SMURF2: variants seen among roughly 807,000 people sequenced by gnomAD.
SMURF2 encodes SMAD specific E3 ubiquitin protein ligase 2, also known as E3 ubiquitin-protein ligase SMURF2.
Under a neutral mutation model 109.6 loss-of-function variants are expected in SMURF2, and 48 were observed. That is an observed-to-expected ratio of 0.44 (90% CI 0.35 to 0.56). SMURF2 has a LOEUF of 0.56. SMURF2 is among the 20% of genes least tolerant of loss of function. The pLI is 0.01. For synonymous variants in SMURF2, 288 were observed against 317.1 expected, an observed-to-expected ratio of 0.91 and a Z score of 0.97; for missense variants, 575 against 909.0, an observed-to-expected ratio of 0.63 and a Z score of 4.72.
At position 64,613,711 on chromosome 17, in the gene SMURF2, T is replaced by TGA. The variant is rs1568195564; in HGVS notation, c.53-7072_53-7071insTC. Among the ~76,000 whole-genome samples, 21 of 132,704 alleles carry TGA rather than the reference T, an allele frequency of 1.6e-4. 1 individual carries two copies. The highest frequency in any genetic ancestry group is 5.8e-4 in the African/African-American group (19 of 32,626). The allele number at this position is 132,704 out of a possible 152,430, so 87.1% of individuals were successfully genotyped here. A position where few individuals can be genotyped will look rare whatever the true frequency, so the allele number is the denominator to read the frequency against. ...GTGTGTGTGTGTGTGTGTGTGTGTG[T>TGA]GTGTGTGTGTGTGTGTGTGTGTGTG... On this transcript the variant is annotated intron_variant, in intron 1 of 18. Coordinates refer to ENST00000262435, the MANE Select transcript of SMURF2 (RefSeq NM_022739.4).
chr17:64,634,846 A>C (rs1364582507), intron 1 of SMURF2, among the ~76,000 whole-genome samples: 1 of 152,164 alleles, frequency 6.6e-6, no homozygotes, highest in Non-Finnish European at 1.5e-5. Flanking sequence ...TGAAGCCTGG[A>C]GTTTACAGAG....
Position 64,543,775 on chromosome 17 carries a change from T to C in SMURF2, c.*2073A>G, listed in dbSNP as rs1555682842. On this transcript the variant is annotated 3_prime_UTR_variant, in exon 19 of 19. Transcript: ENST00000262435. ...AAGATTTTAAAAGTAGGCACAATTA[T>C]AAACTGCACTAGTGCTTTAATATAA... The C allele has an allele frequency of 6.6e-6, 1 of 152,226 alleles. No individual in the cohort carries two copies. The highest frequency in any genetic ancestry group is 1.5e-5 in the Non-Finnish European group (1 of 68,038). The allele number at this position is 152,226 out of a possible 1,614,324, so 9.4% of individuals were successfully genotyped here.
At chr17:64,629,255 C>A (rs1199291635) in intron 1 of SMURF2, among the ~76,000 whole-genome samples, 1 of 152,160 alleles carries the variant, frequency 6.6e-6, no homozygotes, top group Non-Finnish European at 1.5e-5. Flanking sequence ...AATCCCAGCA[C>A]TTTGGTAGGT....
At chr17:64,557,365 C>T (rs984723946) in intron 13 of SMURF2, among the ~76,000 whole-genome samples, 6 of 152,116 alleles carry the variant, frequency 3.9e-5, no homozygotes, top group Admixed American at 6.6e-5. Context: ...AATCAGTCCC[C>T]GCTCCTGAAG....
intron 1 of SMURF2, among the ~76,000 whole-genome samples, chr17:64,657,259 C>G (rs1970717379): frequency 6.6e-6 from 1 of 152,022 alleles, no homozygotes; most frequent in Non-Finnish European, 1.5e-5. Flanking sequence ...TTGAGTTGAG[C>G]CTTAAAAGAT....
At position 64,545,889 on chromosome 17, in the gene SMURF2, G is replaced by A. The variant is rs782354602; in HGVS notation, c.2206C>T (p.Leu736=). 2 of 1,612,518 alleles carry A rather than the reference G, an allele frequency of 1.2e-6. No homozygotes were observed. The highest frequency in any genetic ancestry group is 2.2e-5 in the South Asian group (2 of 91,044). ...CCACATGTTTCTTCAATGGCTGTTA[G>A]CAGCTTTTCATATAGCTTTTCATAG... ...ESYEKLYEKL[L]TAIEETCGFA... Residue 736 remains leucine (L), a synonymous_variant, in exon 19 of 19, where the codon CTA becomes TTA. Transcript: ENST00000262435.
At chr17:64,557,848 ACAGTTAT>A (rs1197925262) in intron 12 of SMURF2, 126 bp from the exon 13 acceptor site, 2 of 560,984 alleles carry the variant, frequency 3.6e-6, no homozygotes, top group African/African-American at 3.8e-5. Context: ...AGCACTAACT[ACAGTTAT>A]ATAAGATCAC....
At chr17:64,582,309 C>T (rs564873197) in intron 7 of SMURF2, among the ~76,000 whole-genome samples, 72 of 152,248 alleles carry the variant, frequency 4.7e-4, no homozygotes, top group African/African-American at 1.7e-3. Flanking sequence ...TATTTTATGC[C>T]TAGTGCCAGT....
chr17:64,551,502 G>A, intron 16 of SMURF2, 82 bp downstream of exon 16: 1 of 1,440,546 alleles, frequency 6.9e-7, no homozygotes, highest in Admixed American at 1.8e-5. Flanking sequence ...CCAGAAATAT[G>A]CTTTCCTCTA....
Position 64,562,831 on chromosome 17 carries a change from G to C in SMURF2, c.1152C>G (p.Ser384=). ...QKLKILRQEL[S]QQQPQAGHCR... ...AATGACCTGCCTGAGGCTGTTGTTG[G>C]GAAAGTTCTTGCCGCAAAATTTTTA... The change falls in exon 11 of 19, where the codon TCC becomes TCG. Residue 384 remains serine (S), a synonymous_variant. Transcript: ENST00000262435. The C allele has an allele frequency of 6.2e-7, 1 of 1,614,118 alleles. No individual in the cohort carries two copies. The highest frequency in any genetic ancestry group is 1.3e-5 in the African/African-American group (1 of 75,014).
intron 15 of SMURF2, 64 bp from the exon 16 acceptor site, chr17:64,551,768 T>C (rs1969049356): frequency 2.5e-6 from 4 of 1,592,608 alleles, no homozygotes; most frequent in Non-Finnish European, 3.4e-6. Context: ...ATTATTATTA[T>C]AAATCTCTAC....
chr17:64,591,303 A>T (rs1598285081), intron 4 of SMURF2, among the ~76,000 whole-genome samples, 154 bp from the exon 5 acceptor site: 1 of 152,222 alleles, frequency 6.6e-6, no homozygotes, highest in African/African-American at 2.4e-5. Flanking sequence ...GGTGTATTAC[A>T]TTGCCAACAT....
In SMURF2 at chr17:64,543,274, T is replaced by C. The variant is rs1555682779; in HGVS notation, c.*2574A>G. The C allele has an allele frequency of 6.6e-6, 1 of 151,200 alleles. No individual in the cohort carries two copies. The allele number at this position is 151,200 out of a possible 1,614,324, so 9.4% of individuals were successfully genotyped here. A position where few individuals can be genotyped will look rare whatever the true frequency, so the allele number is the denominator to read the frequency against. On this transcript the variant is annotated 3_prime_UTR_variant, in exon 19 of 19. Transcript: ENST00000262435. Reference sequence around the variant, plus strand: ...GACTGTTATGGAGAGTAATTTCTTTTTTTTTTTTTTTTGGGCGGGGACGGA... The same window carrying C: ...GACTGTTATGGAGAGTAATTTCTTTCTTTTTTTTTTTTGGGCGGGGACGGA...
At chr17:64,546,444 G>A in intron 17 of SMURF2, 106 bp from the exon 18 acceptor site, 1 of 883,892 alleles carries the variant, frequency 1.1e-6, no homozygotes, top group South Asian at 1.6e-5. Flanking sequence ...GGGGATAGGG[G>A]AATGCTAATG....
In SMURF2 at chr17:64,591,121, C is replaced by T. The variant is rs1433945629; in HGVS notation, c.363G>A (p.Gly121=). The T allele has an allele frequency of 6.2e-7, 1 of 1,613,058 alleles. No homozygotes were observed. Among genetic ancestry groups the T allele is most frequent in the Admixed American group, 1.7e-5 (1 of 59,890 alleles). Residue 121 remains glycine (G), a synonymous_variant, in exon 5 of 19, where the codon GGG becomes GGA. Coordinates refer to ENST00000262435, the MANE Select transcript of SMURF2 (RefSeq NM_022739.4). ...GYQRLDLCKL[G]PNDNDTVRGQ... is the part of the protein sequence containing the mutation. ...CTCTAACTGTATCATTGTCATTTGG[C>T]CCGAGTTTGCATAAATCCAACCTCT...
intron 1 of SMURF2, among the ~76,000 whole-genome samples, chr17:64,633,786 A>G (rs1970378189): frequency 6.6e-6 from 1 of 151,734 alleles, no homozygotes; most frequent in Non-Finnish European, 1.5e-5. Context: ...GCAACTACCA[A>G]GAGATTAGCC....
intron 9 of SMURF2, among the ~76,000 whole-genome samples, chr17:64,576,775 T>A (rs1193567096): frequency 6.6e-6 from 1 of 152,124 alleles, no homozygotes; most frequent in African/African-American, 2.4e-5. Flanking sequence ...TTCAAAGATT[T>A]TTTTTTAAGC....
chr17:64,586,833 TA>T (rs1969667387), intron 5 of SMURF2, among the ~76,000 whole-genome samples: 1 of 146,780 alleles, frequency 6.8e-6, no homozygotes, highest in Admixed American at 6.8e-5. Flanking sequence ...GAAAAGTCCA[TA>T]TTAATTTGAC....
intron 1 of SMURF2, among the ~76,000 whole-genome samples, chr17:64,657,528 C>G (rs1970720930): frequency 6.8e-6 from 1 of 146,400 alleles, no homozygotes; most frequent in Non-Finnish European, 1.5e-5. Context: ...CCCATCTGTA[C>G]TGGAAAAAAA....
Sources: gnomAD v4.1 joint callset for allele counts (sites outside exome capture counted in the v4.1 genomes callset) on GRCh38, gnomAD v4.1.1 for gene constraint, MANE v1.5 for transcripts, NCBI Gene and HGNC (gene_info 2026-07-23, HGNC 2026-07-21) for gene names.